The following PPP1R14C variants were observed in gnomAD, a reference collection of about 807,000 sequenced individuals.
PPP1R14C encodes protein phosphatase 1 regulatory subunit 14C.
PPP1R14C carries 16 observed loss-of-function variants against 20.4 expected under a neutral mutation model. That is an observed-to-expected ratio of 0.78 (90% CI 0.53 to 1.19). PPP1R14C has a LOEUF of 1.19. PPP1R14C is among the 50% of genes most tolerant of loss of function. The pLI, the probability that PPP1R14C is intolerant of heterozygous loss-of-function variation, is 0.00. For synonymous variants in PPP1R14C, 91 were observed against 91.0 expected, an observed-to-expected ratio of 1.00 and a Z score of 0.00; for missense variants, 211 against 220.1, an observed-to-expected ratio of 0.96 and a Z score of 0.26.
At chr6:150,229,370 T>G (rs547299284) in intron 3 of PPP1R14C, among the ~76,000 whole-genome samples, 124 of 152,316 alleles carry the variant, frequency 8.1e-4, no homozygotes, top group African/African-American at 2.9e-3. Context: ...TTATTTACTG[T>G]GACTGGATGA....
intron 3 of PPP1R14C, among the ~76,000 whole-genome samples, chr6:150,241,839 A>T (rs535933276): frequency 6.6e-6 from 1 of 152,174 alleles, no homozygotes; most frequent in Non-Finnish European, 1.5e-5. Context: ...ATGAGCCGAG[A>T]TCATGCCATT....
chr6:150,181,916 CAG>C (rs1341578159), intron 1 of PPP1R14C, among the ~76,000 whole-genome samples: 2 of 152,120 alleles, frequency 1.3e-5, no homozygotes, highest in East Asian at 3.9e-4. Flanking sequence ...AAATGATTTG[CAG>C]TATGTTTATC....
At chr6:150,149,327 G>GTA (rs1347834630) in intron 1 of PPP1R14C, among the ~76,000 whole-genome samples, 1 of 141,496 alleles carries the variant, frequency 7.1e-6, no homozygotes, top group Non-Finnish European at 1.5e-5. Context: ...GTGTGTGTAT[G>GTA]TGTGTGTATA....
At position 150,172,884 on chromosome 6, in the gene PPP1R14C, G is replaced by T. The variant is rs148122054; in HGVS notation, c.306+29386G>T. Among the ~76,000 whole-genome samples, 211 of 152,222 alleles carry T rather than the reference G, an allele frequency of 1.4e-3. 2 individuals carry two copies. The highest frequency in any genetic ancestry group is 4.7e-3 in the African/African-American group (196 of 41,530). The stretch of plus-strand genomic sequence containing the variant: ...TTACAAGGTCGCTCTCACAGTCAAG[G>T]TGTGAGCAAGGCCTTGGTCTTCCCA... On this transcript the variant is annotated intron_variant, in intron 1 of 3. Coordinates refer to ENST00000361131, the MANE Select transcript of PPP1R14C (RefSeq NM_030949.3).
intron 1 of PPP1R14C, among the ~76,000 whole-genome samples, chr6:150,156,493 C>A (rs939113208): frequency 2.8e-4 from 42 of 152,156 alleles, no homozygotes; most frequent in African/African-American, 9.4e-4. Context: ...CCATTTCATT[C>A]ATTTCTGCTA....
chr6:150,181,919 T>TTC (rs1244964695), intron 1 of PPP1R14C, among the ~76,000 whole-genome samples: 2 of 152,234 alleles, frequency 1.3e-5, no homozygotes, highest in East Asian at 3.8e-4. Context: ...TGATTTGCAG[T>TTC]ATGTTTATCC....
chr6:150,238,664 C>T (rs1280173468), intron 3 of PPP1R14C, among the ~76,000 whole-genome samples: 2 of 152,240 alleles, frequency 1.3e-5, no homozygotes, highest in East Asian at 1.9e-4. Flanking sequence ...CCTGGGAGCT[C>T]CTGGAAGGCA....
chr6:150,221,034 G>A (rs1300473721), intron 3 of PPP1R14C, among the ~76,000 whole-genome samples: 1 of 152,228 alleles, frequency 6.6e-6, no homozygotes, highest in Non-Finnish European at 1.5e-5. Context: ...GAGAAATGAT[G>A]TAAAATGCTG....
At chr6:150,179,517 G>T (rs780515347) in intron 1 of PPP1R14C, among the ~76,000 whole-genome samples, 11 of 152,042 alleles carry the variant, frequency 7.2e-5, no homozygotes, top group Non-Finnish European at 1.5e-4. Context: ...CCAGATAAGT[G>T]TCTCGATTTT....
intron 1 of PPP1R14C, among the ~76,000 whole-genome samples, chr6:150,199,720 T>C (rs370078489): frequency 3.3e-5 from 5 of 152,150 alleles, no homozygotes; most frequent in East Asian, 1.9e-4. Context: ...ATTTTTAACA[T>C]TAGCCAGGCT....
intron 1 of PPP1R14C, among the ~76,000 whole-genome samples, chr6:150,205,088 G>A (rs896238820): frequency 2.6e-5 from 4 of 151,914 alleles, no homozygotes; most frequent in Non-Finnish European, 5.9e-5. Flanking sequence ...TAAATGTAGG[G>A]GAGAGATTTG....
intron 1 of PPP1R14C, among the ~76,000 whole-genome samples, chr6:150,157,181 T>C (rs1381585892): frequency 3.9e-5 from 6 of 152,216 alleles, no homozygotes; most frequent in African/African-American, 1.4e-4. Context: ...AAGAATGAGA[T>C]ACAGATAATG....
intron 3 of PPP1R14C, among the ~76,000 whole-genome samples, chr6:150,221,248 C>T (rs553484574): frequency 2.6e-5 from 4 of 152,312 alleles, no homozygotes; most frequent in Middle Eastern, 3.4e-3. Flanking sequence ...TCACAATTGT[C>T]ACTTTAAGTA....
At chr6:150,204,450 C>T (rs373999964) in intron 1 of PPP1R14C, among the ~76,000 whole-genome samples, 1 of 152,228 alleles carries the variant, frequency 6.6e-6, no homozygotes, top group Non-Finnish European at 1.5e-5. Flanking sequence ...CTTCACTTAA[C>T]GATTTTCAGG....
intron 1 of PPP1R14C, among the ~76,000 whole-genome samples, chr6:150,169,202 T>C (rs144042978): frequency 2.7e-4 from 41 of 152,280 alleles, no homozygotes; most frequent in African/African-American, 8.2e-4. Flanking sequence ...CAATAAGATA[T>C]TTTACACTCC....
At chr6:150,228,540 C>T (rs1778255841) in intron 3 of PPP1R14C, among the ~76,000 whole-genome samples, 1 of 152,130 alleles carries the variant, frequency 6.6e-6, no homozygotes, top group Non-Finnish European at 1.5e-5. Context: ...CTAACCTGAG[C>T]CTGGGAGTCC....
intron 1 of PPP1R14C, among the ~76,000 whole-genome samples, chr6:150,200,860 C>G (rs1203227147): frequency 6.6e-6 from 1 of 152,154 alleles, no homozygotes; most frequent in Non-Finnish European, 1.5e-5. Flanking sequence ...TCTAAGTTTC[C>G]ATGGAGTTTC....
chr6:150,204,372 C>T (rs1206127297), intron 1 of PPP1R14C, among the ~76,000 whole-genome samples: 1 of 152,192 alleles, frequency 6.6e-6, no homozygotes, highest in Non-Finnish European at 1.5e-5. Flanking sequence ...GGTTTTTTTG[C>T]TGACATTTTC....
rs1251563748 is a variant in PPP1R14C, at chr6:150,166,656, T to G, written c.306+23158T>G. On this transcript the variant is annotated intron_variant, in intron 1 of 3. Coordinates refer to ENST00000361131, the MANE Select transcript of PPP1R14C (RefSeq NM_030949.3). ...CATGTCTGGTGGCTGCAGTTTGAGC[T>G]GCTCTGAAGCCTTTTGAGGCCACTG... Among the ~76,000 whole-genome samples, 3 of 152,330 alleles carry G rather than the reference T, an allele frequency of 2.0e-5. No individual in the cohort carries two copies. The East Asian group carries it at 5.8e-4, about 29-fold the overall frequency.
Sources: gnomAD v4.1 joint callset for allele counts (sites outside exome capture counted in the v4.1 genomes callset) on GRCh38, gnomAD v4.1.1 for gene constraint, MANE v1.5 for transcripts, NCBI Gene and HGNC (gene_info 2026-07-23, HGNC 2026-07-21) for gene names.